KIF1C: variants seen among roughly 807,000 people sequenced by gnomAD.
KIF1C encodes kinesin family member 1C, also known as kinesin-like protein KIF1C.
A neutral mutation model predicts 126.5 loss-of-function variants in KIF1C; 61 were observed. That is an observed-to-expected ratio of 0.48 (90% CI 0.39 to 0.60). The LOEUF is 0.60. Among genes scored for constraint, KIF1C ranks in the 20% least tolerant of loss-of-function variants. The probability of loss-of-function intolerance (pLI) is 0.00; values close to 1 mark genes in which losing one functional copy is unlikely to be tolerated. For missense variants in KIF1C, 1,315 were observed against 1,489.2 expected, an observed-to-expected ratio of 0.88 and a Z score of 1.93; for synonymous variants, 640 against 580.6, an observed-to-expected ratio of 1.10 and a Z score of -1.47.
At chr17:5,000,663 C>A in intron 3 of KIF1C, 109 bp from the exon 4 acceptor site, 1 of 991,426 alleles carries the variant, frequency 1.0e-6, no homozygotes, top group Non-Finnish European at 1.6e-6. Flanking sequence ...AGAGTCAGGA[C>A]AGTGGTGAGG....
intron 13 of KIF1C, among the ~76,000 whole-genome samples, chr17:5,005,928 C>CT (rs1017513031): frequency 3.3e-5 from 5 of 151,654 alleles, no homozygotes; most frequent in Admixed American, 6.6e-5. Flanking sequence ...GGGTTTTAGC[C>CT]TGGCACAGTG....
chr17:5,001,091 G>A, intron 4 of KIF1C, 131 bp from the exon 5 acceptor site: 1 of 1,023,414 alleles, frequency 9.8e-7, no homozygotes, highest in African/African-American at 1.6e-5. Flanking sequence ...TAAGGACAAT[G>A]ATGAGGGTGG....
At position 5,020,226 on chromosome 17, in the gene KIF1C, A is replaced by C; in HGVS notation, c.1750+147A>C. On this transcript the variant is annotated intron_variant, in intron 19 of 22. Coordinates refer to ENST00000320785, the MANE Select transcript of KIF1C (RefSeq NM_006612.6). This position sits in a 1 kb window ranked among gnomAD's most constrained non-coding sequence, Gnocchi z 5.8. ...ATATAAAGAAGGAACTGGGAAGTGA[A>C]GGTCAAGGAGTCAGGTCTTGGTTTC... 1 of 722,764 alleles carries C rather than the reference A, an allele frequency of 1.4e-6. No individual in the cohort carries two copies. The highest frequency in any genetic ancestry group is 2.7e-5 in the East Asian group (1 of 37,102). The allele number at this position is 722,764 out of a possible 1,614,324, so 44.8% of individuals were successfully genotyped here.
intron 4 of KIF1C, 97 bp downstream of exon 4, chr17:5,000,945 TAGTC>T (rs1974574386): frequency 3.2e-6 from 4 of 1,260,856 alleles, no homozygotes; most frequent in Non-Finnish European, 1.2e-6. Context: ...CCCAGGGGAT[TAGTC>T]AGGGTGAATT....
In KIF1C at chr17:5,022,530, A is replaced by T. The variant is rs956991329; in HGVS notation, c.2449A>T (p.Ser817Cys). ...VGEEEGGGAGSGGGSEEGARG... is the reference protein window; with the variant it reads ...VGEEEGGGAGCGGGSEEGARG... Reference sequence around the variant, plus strand: ...CGAGGAGGAAGGAGGTGGAGCTGGCAGTGGTGGTGGCAGTGAGGAGGGAGC... The same window carrying T: ...CGAGGAGGAAGGAGGTGGAGCTGGCTGTGGTGGTGGCAGTGAGGAGGGAGC... Residue 817 changes from serine to cysteine, a missense_variant, in exon 22 of 23, where the codon AGT becomes TGT. Ser to Cys is a moderately radical substitution (Grantham distance 112, BLOSUM62 -1). This residue lies in a region of KIF1C where 441 missense variants were observed against 436.1 expected (regional missense o/e 1.01). Coordinates refer to ENST00000320785, the MANE Select transcript of KIF1C (RefSeq NM_006612.6). This position sits in a 1 kb window ranked among gnomAD's most constrained non-coding sequence, Gnocchi z 4.9. 2 of 1,588,132 alleles carry T rather than the reference A, an allele frequency of 1.3e-6. No individual in the cohort carries two copies. Among genetic ancestry groups the T allele is most frequent in the African/African-American group, 2.7e-5 (2 of 74,592 alleles).
At chr17:5,003,038 C>CTTTT (rs576354046) in intron 8 of KIF1C, among the ~76,000 whole-genome samples, 196 bp downstream of exon 8, 1 of 140,334 alleles carries the variant, frequency 7.1e-6, no homozygotes, top group Non-Finnish European at 1.6e-5. Flanking sequence ...GTTTGCTTGT[C>CTTTT]TTTTTTTTTT....
chr17:5,009,594 C>T (rs561683295), intron 16 of KIF1C, among the ~76,000 whole-genome samples: 3 of 151,582 alleles, frequency 2.0e-5, no homozygotes, highest in Non-Finnish European at 2.9e-5. Context: ...TGAGACCATC[C>T]TGGCTAACAC....
Position 5,020,959 on chromosome 17 carries a change from A to G in KIF1C, c.2010+81A>G. On this transcript the variant is annotated intron_variant, in intron 21 of 22. Coordinates refer to ENST00000320785, the MANE Select transcript of KIF1C (RefSeq NM_006612.6). The surrounding 1 kb of genome is among the most constrained non-coding windows in gnomAD (Gnocchi z 5.8). Reference sequence around the variant, plus strand: ...AGTCCGAGTGCAGTGCTCACCGCTGAGCCAGAGTGGGAAATGGGCATGGGG... The same window carrying G: ...AGTCCGAGTGCAGTGCTCACCGCTGGGCCAGAGTGGGAAATGGGCATGGGG... 3 of 1,286,234 alleles carry G rather than the reference A, an allele frequency of 2.3e-6. No individual in the cohort carries two copies. Among genetic ancestry groups the G allele is most frequent in the Non-Finnish European group, 3.3e-6 (3 of 907,884 alleles). The allele number at this position is 1,286,234 out of a possible 1,614,324, so 79.7% of individuals were successfully genotyped here.
At chr17:5,009,219 A>C (rs1284391794) in intron 16 of KIF1C, among the ~76,000 whole-genome samples, 1 of 149,468 alleles carries the variant, frequency 6.7e-6, no homozygotes, top group Non-Finnish European at 1.5e-5. Flanking sequence ...TTGTACTGTC[A>C]CCCGGGCTGG....
chr17:5,005,080 G>A, intron 13 of KIF1C, 80 bp downstream of exon 13: 1 of 1,567,752 alleles, frequency 6.4e-7, no homozygotes, highest in Non-Finnish European at 8.7e-7. Flanking sequence ...GCCCAGTCCT[G>A]GAGCCAGGGA....
Position 5,022,427 on chromosome 17 carries a change from G to A in KIF1C, c.2346G>A (p.Leu782=), listed in dbSNP as rs1382663477. 6.3e-7 allele frequency: 1 copy of A among 1,580,536 alleles called. No individual in the cohort carries two copies. Among genetic ancestry groups the A allele is most frequent in the African/African-American group, 1.3e-5 (1 of 74,200 alleles). ...EALAALKMRE[L]CRTYGKPDGP... ...TGGCCGCCCTCAAGATGCGGGAGCTGTGTCGCACCTATGGCAAGCCAGACG... is the reference window on the plus strand; with the variant it reads ...TGGCCGCCCTCAAGATGCGGGAGCTATGTCGCACCTATGGCAAGCCAGACG... The change falls in exon 22 of 23, where the codon CTG becomes CTA. Residue 782 remains leucine (L), a synonymous_variant. Transcript: ENST00000320785. This position sits in a 1 kb window ranked among gnomAD's most constrained non-coding sequence, Gnocchi z 4.9.
At position 5,002,651 on chromosome 17, in the gene KIF1C, G is replaced by C. The variant is rs753590243; in HGVS notation, c.608+9G>C. The C allele has an allele frequency of 1.2e-6, 2 of 1,611,716 alleles. No homozygotes were observed. Among genetic ancestry groups the C allele is most frequent in the East Asian group, 4.5e-5 (2 of 44,784 alleles). ...TGTGGAAATAAAGCACGGTGAGGCA[G>C]GCTGATGGAGCAGAGGGCAAGGGGG... is the stretch of plus-strand genomic sequence containing the variant. On this transcript the variant is annotated intron_variant, in intron 7 of 22. Coordinates refer to ENST00000320785, the MANE Select transcript of KIF1C (RefSeq NM_006612.6).
intron 16 of KIF1C, 83 bp from the exon 17 acceptor site, chr17:5,013,570 G>C (rs1253617035): frequency 2.1e-6 from 2 of 962,756 alleles, no homozygotes; most frequent in African/African-American, 3.2e-5. Flanking sequence ...GACTGGAGGG[G>C]TGTCTCCTCC....
intron 11 of KIF1C, 60 bp from the exon 12 acceptor site, chr17:5,004,507 C>G (rs1247355143): frequency 1.3e-6 from 2 of 1,503,004 alleles, no homozygotes; most frequent in African/African-American, 1.4e-5. Flanking sequence ...CCCTGTGACC[C>G]GGTCTGACTT....
In KIF1C at chr17:5,023,875, T is replaced by A. The variant is rs778134222; in HGVS notation, c.3036T>A (p.His1012Gln). The A allele has an allele frequency of 1.8e-5, 27 of 1,531,676 alleles. No individual in the cohort carries two copies. Among genetic ancestry groups the A allele is most frequent in the African/African-American group, 6.9e-5 (5 of 72,068 alleles). 94.9% of individuals were successfully genotyped at this position (1,531,676 alleles called of 1,614,324 possible). The change falls in exon 23 of 23, where the codon CAT becomes CAA. Residue 1012 changes from histidine (H) to glutamine (Q), a missense_variant. Physicochemically the swap from His to Gln is conservative, Grantham distance 24. Transcript: ENST00000320785. This position sits in a 1 kb window ranked among gnomAD's most constrained non-coding sequence, Gnocchi z 4.2. ...AACCCCCTGAGGAGGTCACTCCCCATCCAGCCACCCCTGCCCGCCGGCCTC... is the reference window on the plus strand; with the variant it reads ...AACCCCCTGAGGAGGTCACTCCCCAACCAGCCACCCCTGCCCGCCGGCCTC... ...PLQPPEEVTP[H>Q]PATPARRPPS... is the part of the protein sequence containing the mutation.
In KIF1C at chr17:5,002,869, C is replaced by A. The variant is rs199955251; in HGVS notation, c.720+27C>A. On this transcript the variant is annotated intron_variant, in intron 8 of 22. Coordinates refer to ENST00000320785, the MANE Select transcript of KIF1C (RefSeq NM_006612.6). Reference sequence around the variant, plus strand: ...TGGGATCGCCCCCCCCCCCACTCCCCCACCGGATGCAACCTCCCCTGGCAA... The same window carrying A: ...TGGGATCGCCCCCCCCCCCACTCCCACACCGGATGCAACCTCCCCTGGCAA... The A allele has an allele frequency of 1.0e-5, 16 of 1,556,534 alleles. No homozygotes were observed. In the African/African-American group the frequency reaches 1.2e-4, roughly 12 times the overall value.
chr17:5,008,064 G>A (rs879024338), intron 16 of KIF1C, among the ~76,000 whole-genome samples: 4 of 152,150 alleles, frequency 2.6e-5, no homozygotes, highest in African/African-American at 7.2e-5. Context: ...GACAGGACTT[G>A]GGAAGTATGG....
chr17:5,021,446 G>A (rs1006811330), intron 21 of KIF1C, among the ~76,000 whole-genome samples: 2 of 152,094 alleles, frequency 1.3e-5, no homozygotes, highest in Non-Finnish European at 2.9e-5. Context: ...AAAATGCTGG[G>A]ATTACAGGCA....
chr17:4,998,563 C>G (rs1457074456), intron 1 of KIF1C, among the ~76,000 whole-genome samples: 3 of 152,238 alleles, frequency 2.0e-5, no homozygotes, highest in African/African-American at 7.2e-5. Context: ...CACCCCATCC[C>G]TGTCCCATTA....
Sources: allele counts gnomAD v4.1 joint callset (sites outside exome capture counted in the v4.1 genomes callset), GRCh38; gene constraint gnomAD v4.1.1; regional missense constraint gnomAD v4.1.1; non-coding constraint Gnocchi (gnomAD v3.1); transcripts MANE v1.5; gene names NCBI Gene and HGNC (gene_info 2026-07-23, HGNC 2026-07-21).